Variants in SHISA6 observed in about 807,000 individuals in gnomAD.
SHISA6 encodes the protein protein shisa-6.
SHISA6 carries 22 observed loss-of-function variants against 47.9 expected under a neutral mutation model. The ratio of observed to expected loss-of-function variants is 0.46; its 90% CI spans 0.33 to 0.66. The LOEUF (loss-of-function observed/expected upper bound fraction) is 0.66. SHISA6 is among the 30% of genes least tolerant of loss of function. The pLI is 0.02. For synonymous variants in SHISA6, 388 were observed against 337.8 expected (o/e 1.15, Z -1.63); for missense variants, 680 against 764.6 (o/e 0.89, Z 1.30).
intron 3 of SHISA6, among the ~76,000 whole-genome samples, chr17:11,433,123 G>A (rs1052307109): frequency 1.3e-5 from 2 of 152,112 alleles, no homozygotes; most frequent in Non-Finnish European, 2.9e-5. Context: ...GGGTACATGC[G>A]CAGAATGTGC....
intron 3 of SHISA6, among the ~76,000 whole-genome samples, chr17:11,418,953 A>G (rs1029282652): frequency 6.6e-6 from 1 of 152,124 alleles, no homozygotes; most frequent in Non-Finnish European, 1.5e-5. Context: ...CTAACTGAGA[A>G]ACTAATCTAG....
At chr17:11,319,235 C>T (rs1278170730) in intron 2 of SHISA6, among the ~76,000 whole-genome samples, 3 of 152,028 alleles carry the variant, frequency 2.0e-5, no homozygotes, top group African/African-American at 4.8e-5. Context: ...TGTGCCACCA[C>T]GCCTGGCTAA....
intron 2 of SHISA6, among the ~76,000 whole-genome samples, chr17:11,309,684 T>C (rs1910248694): frequency 6.6e-6 from 1 of 152,248 alleles, no homozygotes; most frequent in Admixed American, 6.5e-5. Context: ...CTTTATTAAA[T>C]CAAGTGAATA....
rs1567642343 is a variant in SHISA6 at position 11,563,152 on chromosome 17, GT to G, written c.*4851del. The G allele has an allele frequency of 6.6e-6, 1 of 152,272 alleles. No individual in the cohort carries two copies. Among genetic ancestry groups the G allele is most frequent in the Admixed American group, 6.5e-5 (1 of 15,290 alleles). 9.4% of individuals were successfully genotyped at this position (152,272 alleles called of 1,614,324 possible). On this transcript the variant is annotated 3_prime_UTR_variant, in exon 6 of 6. Coordinates refer to ENST00000441885, the MANE Select transcript of SHISA6 (RefSeq NM_207386.4). ...GGAGGTTGGCCCATAAGGGCATGAA[GT>G]TTGTACTTGAGGGCAGCTGGGAAAT...
At chr17:11,248,108 TAAGA>T (rs1907661243) in intron 1 of SHISA6, among the ~76,000 whole-genome samples, 1 of 152,114 alleles carries the variant, frequency 6.6e-6, no homozygotes, top group African/African-American at 2.4e-5. Context: ...TGTAGAGAGA[TAAGA>T]GGCCTGGGTA....
In SHISA6 at chr17:11,291,356, C is replaced by T. The variant is rs566202214; in HGVS notation, c.799+27830C>T. ...CAGAGACTGGGTGACTTAAACAACA[C>T]GGATTTTGGTGGCTTACACCTGTAA... On this transcript the variant is annotated intron_variant, in intron 2 of 5. Transcript: ENST00000441885. Among the ~76,000 whole-genome samples, 63 of 152,164 alleles carry T rather than the reference C, an allele frequency of 4.1e-4. 3 individuals are homozygous for T. In the South Asian group the frequency reaches 1.0e-2, roughly 24 times the overall value.
chr17:11,277,276 TCTCTCACACACACACACA>T (rs1309033322), intron 2 of SHISA6, among the ~76,000 whole-genome samples: 2 of 62,648 alleles, frequency 3.2e-5, no homozygotes, highest in African/African-American at 1.1e-4. Context: ...TCTCTCTCTC[TCTCTCACACACACACACA>T]CACACACACA....
At chr17:11,379,357 T>G (rs1912929878) in intron 2 of SHISA6, 57 bp from the exon 3 acceptor site, 6 of 1,278,910 alleles carry the variant, frequency 4.7e-6, no homozygotes, top group Non-Finnish European at 6.5e-6. Flanking sequence ...CAGCTGCGCT[T>G]GTCTTCCATG....
At chr17:11,500,035 C>G (rs1053248136) in intron 3 of SHISA6, among the ~76,000 whole-genome samples, 3 of 152,284 alleles carry the variant, frequency 2.0e-5, no homozygotes, top group African/African-American at 7.2e-5. Flanking sequence ...TGAGCATCAG[C>G]CTGTGGAGCC....
At position 11,379,881 on chromosome 17, in the gene SHISA6, A is replaced by C. The variant is rs540362318; in HGVS notation, c.895+372A>C. ...TATTCCTTTTCCTTTTGAAAGCTAC[A>C]TTTTATAAACCAATGTCAATGTTCT... On this transcript the variant is annotated intron_variant, in intron 3 of 5. Coordinates refer to ENST00000441885, the MANE Select transcript of SHISA6 (RefSeq NM_207386.4). 354 of 239,454 alleles carry C rather than the reference A, an allele frequency of 1.5e-3. 1 individual carries two copies. The highest frequency in any genetic ancestry group is 2.4e-3 in the Non-Finnish European group (291 of 123,658). 14.8% of individuals were successfully genotyped at this position (239,454 alleles called of 1,614,324 possible).
intron 3 of SHISA6, among the ~76,000 whole-genome samples, chr17:11,440,131 G>A (rs1428536224): frequency 2.0e-5 from 3 of 152,072 alleles, no homozygotes; most frequent in Non-Finnish European, 4.4e-5. Flanking sequence ...ACTGTACTAG[G>A]TCCCCAAGAA....
intron 2 of SHISA6, among the ~76,000 whole-genome samples, chr17:11,270,545 C>T (rs967677068): frequency 4.6e-5 from 7 of 152,110 alleles, no homozygotes; most frequent in Non-Finnish European, 1.0e-4. Context: ...CAGAAAGGGC[C>T]AGATCGTCAA....
chr17:11,498,455 A>G (rs2142344403), intron 3 of SHISA6, among the ~76,000 whole-genome samples: 1 of 152,336 alleles, frequency 6.6e-6, no homozygotes, highest in South Asian at 2.1e-4. Context: ...GTTCAATAAT[A>G]CAGTGGGGTG....
At chr17:11,377,655 AG>A (rs1912851100) in intron 2 of SHISA6, among the ~76,000 whole-genome samples, 2 of 152,200 alleles carry the variant, frequency 1.3e-5, no homozygotes, top group African/African-American at 4.8e-5. Flanking sequence ...CTTCGGAGGA[AG>A]AATGCTGAAG....
At chr17:11,273,426 C>T (rs544162760) in intron 2 of SHISA6, among the ~76,000 whole-genome samples, 1 of 152,354 alleles carries the variant, frequency 6.6e-6, no homozygotes, top group African/African-American at 2.4e-5. Flanking sequence ...GGCAGGCGTT[C>T]TCCTGATGTG....
intron 3 of SHISA6, among the ~76,000 whole-genome samples, chr17:11,550,775 GT>G (rs1404135948): frequency 6.6e-6 from 1 of 152,196 alleles, no homozygotes; most frequent in African/African-American, 2.4e-5. Flanking sequence ...TTGAGCTAGA[GT>G]TGTAGATTTG....
chr17:11,311,279 CAAA>C (rs200852475), intron 2 of SHISA6, among the ~76,000 whole-genome samples: 3 of 52,416 alleles, frequency 5.7e-5, no homozygotes, highest in Non-Finnish European at 8.0e-5. Flanking sequence ...AAGACTTCGT[CAAA>C]AAAAAAAAAA....
At chr17:11,333,925 A>G (rs996601111) in intron 2 of SHISA6, among the ~76,000 whole-genome samples, 3 of 152,188 alleles carry the variant, frequency 2.0e-5, no homozygotes, top group Admixed American at 1.3e-4. Flanking sequence ...TACATTGGCA[A>G]TTAAGTTTCT....
At chr17:11,263,919 C>G (rs1908335636) in intron 2 of SHISA6, among the ~76,000 whole-genome samples, 1 of 152,190 alleles carries the variant, frequency 6.6e-6, no homozygotes, top group South Asian at 2.1e-4. Flanking sequence ...GTAGAGCCTG[C>G]TCAACTATTG....
Sources: gnomAD v4.1 joint callset for allele counts (sites outside exome capture counted in the v4.1 genomes callset) on GRCh38, gnomAD v4.1.1 for gene constraint, MANE v1.5 for transcripts, NCBI Gene and HGNC (gene_info 2026-07-23, HGNC 2026-07-21) for gene names.